The following GRXCR1 variants were observed in gnomAD, a reference collection of about 807,000 sequenced individuals.
GRXCR1 encodes glutaredoxin and cysteine rich domain containing 1.
Under a neutral mutation model 27.3 loss-of-function variants are expected in GRXCR1, and 27 were observed. That is an observed-to-expected ratio of 0.99 (90% CI 0.73 to 1.37). The LOEUF is 1.37. GRXCR1 is among the 40% of genes most tolerant of loss of function. The pLI is 0.00. For synonymous variants in GRXCR1, 122 were observed against 131.1 expected, an observed-to-expected ratio of 0.93 and a Z score of 0.47; for missense variants, 379 against 354.4, an observed-to-expected ratio of 1.07 and a Z score of -0.56.
chr4:42,960,353 C>T (rs1208314104), intron 1 of GRXCR1, among the ~76,000 whole-genome samples: 2 of 151,886 alleles, frequency 1.3e-5, no homozygotes, highest in African/African-American at 4.8e-5. Context: ...AAGAGAACTT[C>T]GGTGCTCTTC....
At chr4:42,956,401 TTTGACAAATCTA>T (rs1748004800) in intron 1 of GRXCR1, among the ~76,000 whole-genome samples, 1 of 151,898 alleles carries the variant, frequency 6.6e-6, no homozygotes, top group Non-Finnish European at 1.5e-5. Flanking sequence ...GGCCAGATGC[TTTGACAAATCTA>T]TTGAGGGAAG....
chr4:43,013,215 A>G (rs540415148), intron 2 of GRXCR1, among the ~76,000 whole-genome samples: 2 of 152,332 alleles, frequency 1.3e-5, no homozygotes, highest in East Asian at 3.9e-4. Flanking sequence ...ATGCACTTGT[A>G]TGTTCATTAC....
intron 2 of GRXCR1, among the ~76,000 whole-genome samples, chr4:42,964,008 G>A (rs937100374): frequency 6.6e-6 from 1 of 151,904 alleles, no homozygotes; most frequent in African/African-American, 2.4e-5. Flanking sequence ...TTGTTTCAGG[G>A]AATCAATCTG....
At chr4:42,964,137 A>G (rs944000886) in intron 2 of GRXCR1, among the ~76,000 whole-genome samples, 19 of 152,168 alleles carry the variant, frequency 1.2e-4, no homozygotes, top group African/African-American at 4.6e-4. Flanking sequence ...ATTCTGTAGT[A>G]GAGGAATGCT....
chr4:42,893,822 T>C (rs1429538398), intron 1 of GRXCR1, among the ~76,000 whole-genome samples, 172 bp downstream of exon 1: 3 of 152,188 alleles, frequency 2.0e-5, no homozygotes, highest in Non-Finnish European at 4.4e-5. Flanking sequence ...AACTGGGTCA[T>C]TGTGCTTGGG....
At chr4:42,940,510 A>C (rs1560657921) in intron 1 of GRXCR1, among the ~76,000 whole-genome samples, 1 of 152,090 alleles carries the variant, frequency 6.6e-6, no homozygotes. Flanking sequence ...GAAACAAAAA[A>C]TGCAAATTAT....
In GRXCR1 at chr4:42,993,179, G is replaced by A. The variant is rs1000253301; in HGVS notation, c.628-27175G>A. On this transcript the variant is annotated intron_variant, in intron 2 of 3. Coordinates refer to ENST00000399770, the MANE Select transcript of GRXCR1 (RefSeq NM_001080476.3). ...TATCTTTGACAAGTAAAAGGTAAGT[G>A]AAATAAAAAGATCAGCTGAAAGTGT... Among the ~76,000 whole-genome samples, 54 of 152,030 alleles carry A rather than the reference G, an allele frequency of 3.6e-4. 1 individual carries two copies. Among genetic ancestry groups the A allele is most frequent in the Admixed American group, 2.6e-3 (40 of 15,262 alleles).
chr4:42,920,337 C>T (rs76927876), intron 1 of GRXCR1, among the ~76,000 whole-genome samples: 11,914 of 149,936 alleles, frequency 0.079, 934 homozygotes, highest in East Asian at 0.35. Context: ...AGCCAAAAAG[C>T]CTTTTATTTA....
At chr4:42,998,440 T>A (rs55908515) in intron 2 of GRXCR1, among the ~76,000 whole-genome samples, 154 of 152,136 alleles carry the variant, frequency 1.0e-3, no homozygotes, top group Non-Finnish European at 1.9e-3. Flanking sequence ...CCTCCACACA[T>A]CTGGAAAATA....
chr4:43,006,964 A>G (rs1313367232), intron 2 of GRXCR1, among the ~76,000 whole-genome samples: 2 of 152,248 alleles, frequency 1.3e-5, no homozygotes, highest in East Asian at 1.9e-4. Context: ...AAGAACCTAC[A>G]TGACTATCTG....
At chr4:43,026,601 A>G (rs1352284787) in intron 3 of GRXCR1, among the ~76,000 whole-genome samples, 3 of 152,144 alleles carry the variant, frequency 2.0e-5, no homozygotes, top group African/African-American at 7.2e-5. Flanking sequence ...ACATTTGGGG[A>G]TCTCATGTTT....
At chr4:43,022,898 C>T (rs935127665) in intron 3 of GRXCR1, among the ~76,000 whole-genome samples, 1 of 152,184 alleles carries the variant, frequency 6.6e-6, no homozygotes, top group African/African-American at 2.4e-5. Flanking sequence ...TGAAAGCTCA[C>T]AACTCTGCTA....
At chr4:42,993,958 G>A (rs913588515) in intron 2 of GRXCR1, among the ~76,000 whole-genome samples, 1 of 152,094 alleles carries the variant, frequency 6.6e-6, no homozygotes, top group African/African-American at 2.4e-5. Flanking sequence ...CAAGCACTGT[G>A]ATCGTAAGTC....
At chr4:42,948,192 T>G (rs1013142033) in intron 1 of GRXCR1, among the ~76,000 whole-genome samples, 3 of 151,700 alleles carry the variant, frequency 2.0e-5, no homozygotes, top group African/African-American at 7.3e-5. Context: ...AGTACCTCAC[T>G]TAGTCATGCT....
chr4:42,995,493 G>T (rs78488949), intron 2 of GRXCR1, among the ~76,000 whole-genome samples: 2,030 of 152,234 alleles, frequency 0.013, 28 homozygotes, highest in Non-Finnish European at 0.023. Flanking sequence ...TTCTTTGCTA[G>T]AAAGAGATAA....
intron 1 of GRXCR1, among the ~76,000 whole-genome samples, chr4:42,950,510 T>C (rs1747857427): frequency 6.6e-6 from 1 of 152,186 alleles, no homozygotes; most frequent in Non-Finnish European, 1.5e-5. Flanking sequence ...TGACAATATG[T>C]ATAGAAGCCA....
At chr4:42,898,302 A>C (rs747617501) in intron 1 of GRXCR1, among the ~76,000 whole-genome samples, 2 of 151,892 alleles carry the variant, frequency 1.3e-5, no homozygotes, top group Non-Finnish European at 2.9e-5. Flanking sequence ...GCTTCAATTC[A>C]GCTTTGAATT....
At chr4:42,899,643 G>A (rs1414892413) in intron 1 of GRXCR1, among the ~76,000 whole-genome samples, 1 of 152,080 alleles carries the variant, frequency 6.6e-6, no homozygotes, top group Non-Finnish European at 1.5e-5. Flanking sequence ...AGGCTCATCT[G>A]TATAATGACT....
chr4:42,965,579 G>T (rs1213720906), intron 2 of GRXCR1, among the ~76,000 whole-genome samples: 1 of 152,074 alleles, frequency 6.6e-6, no homozygotes, highest in African/African-American at 2.4e-5. Context: ...AATTTTAAGG[G>T]AGGAAAAGAA....
Sources: gnomAD v4.1 joint callset for allele counts (sites outside exome capture counted in the v4.1 genomes callset) on GRCh38, gnomAD v4.1.1 for gene constraint, MANE v1.5 for transcripts, NCBI Gene and HGNC (gene_info 2026-07-23, HGNC 2026-07-21) for gene names.